The following PCDH15 variants were observed in gnomAD, a reference collection of about 807,000 sequenced individuals.
PCDH15 encodes the protein protocadherin-15.
In PCDH15, 129 loss-of-function variants were observed where a neutral mutation model predicts 178.5. The ratio of observed to expected loss-of-function variants is 0.72; its 90% CI spans 0.63 to 0.84. The LOEUF is 0.84. Among genes scored for constraint, PCDH15 ranks in the 40% least tolerant of loss-of-function variants. The pLI is 0.00. For missense variants in PCDH15, 2,230 were observed against 2,099.9 expected, an observed-to-expected ratio of 1.06 and a Z score of -1.21; for synonymous variants, 800 against 732.0, an observed-to-expected ratio of 1.09 and a Z score of -1.50.
chr10:54,818,680 A>G (rs962932101), intron 3 of PCDH15, among the ~76,000 whole-genome samples: 5 of 152,002 alleles, frequency 3.3e-5, no homozygotes, highest in Non-Finnish European at 5.9e-5. Flanking sequence ...ATATGCCTGG[A>G]TATCTCTTTC....
intron 7 of PCDH15, among the ~76,000 whole-genome samples, chr10:54,325,782 G>A (rs1004246022): frequency 2.6e-5 from 4 of 151,888 alleles, no homozygotes; most frequent in Admixed American, 6.6e-5. Context: ...GTGGTGGTAC[G>A]TTTGTGGTCC....
At position 55,523,538 on chromosome 10, in the gene PCDH15, G is replaced by T. The variant is rs538051507; in HGVS notation, c.-156+104087C>A. ...TGAAATTTACTATCTTTGTTATTTT[G>T]GAATATATAATGCATTATAGACATT... On this transcript the variant is annotated intron_variant, in intron 2 of 5. Transcript: ENST00000613346. Among the ~76,000 whole-genome samples, 4 of 151,360 alleles carry T rather than the reference G, an allele frequency of 2.6e-5. 1 individual carries two copies. Among genetic ancestry groups the T allele is most frequent in the African/African-American group, 9.7e-5 (4 of 41,316 alleles).
At chr10:54,079,209 T>C in intron 17 of PCDH15, 122 bp downstream of exon 17, 1 of 967,414 alleles carries the variant, frequency 1.0e-6, no homozygotes, top group East Asian at 2.4e-5. Context: ...GCAACACTTC[T>C]AGTAATTATA....
At chr10:55,545,107 G>A (rs1188162331) in intron 2 of PCDH15, among the ~76,000 whole-genome samples, 4 of 152,066 alleles carry the variant, frequency 2.6e-5, no homozygotes, top group African/African-American at 9.7e-5. Context: ...AGAGGCAAAA[G>A]GGGTCCAAGG....
rs568380140 is a variant in PCDH15, at chr10:53,870,419, A to C, written c.3502-3562T>G. Among the ~76,000 whole-genome samples the C allele has an allele frequency of 3.6e-3, 553 of 152,226 alleles. 2 individuals carry two copies. The highest frequency in any genetic ancestry group is 0.013 in the African/African-American group (528 of 41,562). On this transcript the variant is annotated intron_variant, in intron 26 of 37. Transcript: ENST00000644397. Reference sequence around the variant, plus strand: ...CTGGAATTAAAAAAAATAAAACCCTATTGTCATATGTATGTTATACAGTAA... The same window carrying C: ...CTGGAATTAAAAAAAATAAAACCCTCTTGTCATATGTATGTTATACAGTAA...
intron 8 of PCDH15, among the ~76,000 whole-genome samples, chr10:54,282,325 G>C: frequency 6.6e-6 from 1 of 151,946 alleles, no homozygotes; most frequent in Admixed American, 6.6e-5. Context: ...AAAGAGGAGA[G>C]AAAAAGAGAG....
intron 32 of PCDH15, chr10:53,823,156 C>T (rs1349960417): frequency 6.2e-7 from 1 of 1,613,816 alleles, no homozygotes; most frequent in Non-Finnish European, 8.5e-7. Context: ...GGATTATGGG[C>T]ACTTAAGTCA....
At chr10:54,350,212 C>A (rs1227183837) in intron 5 of PCDH15, among the ~76,000 whole-genome samples, 2 of 152,080 alleles carry the variant, frequency 1.3e-5, no homozygotes, top group African/African-American at 4.8e-5. Context: ...TCATTCATGG[C>A]TGTCTTTCTT....
intron 2 of PCDH15, among the ~76,000 whole-genome samples, chr10:54,933,543 T>G (rs754687650): frequency 2.6e-5 from 4 of 152,184 alleles, no homozygotes; most frequent in Admixed American, 6.6e-5. Context: ...GTATCACCAC[T>G]GTTCTATCCT....
chr10:55,507,511 G>A (rs1376862657), intron 2 of PCDH15, among the ~76,000 whole-genome samples: 3 of 151,224 alleles, frequency 2.0e-5, no homozygotes, highest in African/African-American at 7.3e-5. Flanking sequence ...TAAAAATAAA[G>A]AAACCCAAGT....
chr10:54,721,247 G>C (rs1941548309), intron 1 of PCDH15, among the ~76,000 whole-genome samples: 2 of 151,834 alleles, frequency 1.3e-5, no homozygotes, highest in Admixed American at 1.3e-4. Flanking sequence ...AGTACTAAAG[G>C]CAAAGTTTAT....
intron 2 of PCDH15, among the ~76,000 whole-genome samples, chr10:55,010,515 C>T (rs779940676): frequency 2.6e-5 from 4 of 152,070 alleles, no homozygotes; most frequent in African/African-American, 9.7e-5. Context: ...GTGAATAGGT[C>T]GCTGAGGCAC....
chr10:53,960,385 T>C (rs2088171356), intron 22 of PCDH15, among the ~76,000 whole-genome samples: 1 of 152,326 alleles, frequency 6.6e-6, no homozygotes, highest in South Asian at 2.1e-4. Context: ...TTAACACTCT[T>C]TGGTATACTA....
intron 16 of PCDH15, among the ~76,000 whole-genome samples, chr10:54,088,314 C>A (rs562687576): frequency 1.3e-5 from 2 of 152,074 alleles, no homozygotes; most frequent in Non-Finnish European, 2.9e-5. Context: ...GAACAGTGAT[C>A]GTGATCATAT....
chr10:55,428,871 T>C (rs1002539331), intron 2 of PCDH15, among the ~76,000 whole-genome samples: 4 of 152,028 alleles, frequency 2.6e-5, no homozygotes, highest in Admixed American at 2.6e-4. Flanking sequence ...TAATATCCGT[T>C]TTTCCCATTA....
In PCDH15 at chr10:53,806,902, G is replaced by T. The variant is rs202006092; in HGVS notation, c.4900C>A (p.Pro1634Thr). 3 of 1,613,814 alleles carry T rather than the reference G, an allele frequency of 1.9e-6. No individual in the cohort carries two copies. The highest frequency in any genetic ancestry group is 1.7e-6 in the Non-Finnish European group (2 of 1,179,812). ...KVASPVRLGGPFKKLDKLAVT... is the reference protein window; with the variant it reads ...KVASPVRLGGTFKKLDKLAVT... ...GCCAACTTGTCTAGTTTCTTAAAGG[G>T]CCCTCCCAGTCGAACAGGGGAAGCA... Residue 1634 changes from proline (P) to threonine (T), a missense_variant, in exon 38 of 38, where the codon CCC (proline) becomes ACC (threonine). Transcript: ENST00000644397.
chr10:54,667,208 C>T (rs2094585743), intron 1 of PCDH15, among the ~76,000 whole-genome samples: 1 of 151,884 alleles, frequency 6.6e-6, no homozygotes, highest in South Asian at 2.1e-4. Context: ...TCTATATCTG[C>T]CTGATTTCCA....
intron 3 of PCDH15, among the ~76,000 whole-genome samples, chr10:54,385,952 C>A (rs190871817): frequency 1.4e-3 from 208 of 152,050 alleles, no homozygotes; most frequent in Non-Finnish European, 2.4e-3. Context: ...TAAATTGATT[C>A]CTTTGTGTTT....
chr10:54,047,390 CTTTT>C (rs35511606), intron 18 of PCDH15, among the ~76,000 whole-genome samples: 18 of 144,924 alleles, frequency 1.2e-4, no homozygotes, highest in South Asian at 4.3e-4. Context: ...GTGATAATCA[CTTTT>C]TTTTTTTTAT....
Sources: allele counts gnomAD v4.1 joint callset (sites outside exome capture counted in the v4.1 genomes callset), GRCh38; gene constraint gnomAD v4.1.1; transcripts MANE v1.5; gene names NCBI Gene and HGNC (gene_info 2026-07-23, HGNC 2026-07-21).